The following COL5A1 variants were observed in gnomAD, a reference collection of about 807,000 sequenced individuals.
COL5A1 encodes collagen alpha-1(V) chain.
A neutral mutation model predicts 263.7 loss-of-function variants in COL5A1; 16 were observed. That is an observed-to-expected ratio of 0.06 (90% CI 0.04 to 0.09). The LOEUF (loss-of-function observed/expected upper bound fraction) is 0.09. COL5A1 is among the 10% of genes least tolerant of loss of function. COL5A1 has a pLI of 1.00. For missense variants in COL5A1, 2,036 were observed against 2,540.5 expected, an observed-to-expected ratio of 0.80 and a Z score of 4.27; for synonymous variants, 1,012 against 1,004.5, an observed-to-expected ratio of 1.01 and a Z score of -0.14.
At chr9:134,690,820 G>A in intron 1 of COL5A1, 92 bp from the exon 2 acceptor site, 2 of 1,459,514 alleles carry the variant, frequency 1.4e-6, no homozygotes, top group Admixed American at 1.7e-5. Flanking sequence ...AGTGGTGGGG[G>A]TGGGGGTGCT....
rs1353614751 is a variant in COL5A1, at chr9:134,652,641, T to C, written c.109+10345T>C. ...ACGGGACAGCCCCCACCAAAAAGAC[T>C]GACCCAGCCCGGAGGCTGCAGGAAT... On this transcript the variant is annotated intron_variant, in intron 1 of 65. Transcript: ENST00000371817. The surrounding 1 kb of genome is among the most constrained non-coding windows in gnomAD (Gnocchi z 4.4). 2.1e-6 allele frequency: 1 copy of C among 469,702 alleles called. No homozygotes were observed. The highest frequency in any genetic ancestry group is 2.0e-5 in the African/African-American group (1 of 50,068). The allele number at this position is 469,702 out of a possible 1,614,324, so 29.1% of individuals were successfully genotyped here.
At chr9:134,753,947 T>C (rs746957922) in intron 15 of COL5A1, 44 bp downstream of exon 15, 58 of 1,554,084 alleles carry the variant, frequency 3.7e-5, no homozygotes, top group Middle Eastern at 3.4e-4. Context: ...GCGCCTCCCG[T>C]TCTCCGGCGG....
chr9:134,797,636 C>T (rs1276429734), intron 36 of COL5A1, among the ~76,000 whole-genome samples: 5 of 152,164 alleles, frequency 3.3e-5, no homozygotes, highest in Non-Finnish European at 7.3e-5. Context: ...GCATGCGCCA[C>T]CACACCCAGC....
At chr9:134,762,684 G>T (rs1836501737) in intron 19 of COL5A1, among the ~76,000 whole-genome samples, 1 of 152,190 alleles carries the variant, frequency 6.6e-6, no homozygotes, top group South Asian at 2.1e-4. Flanking sequence ...TGTTTAGGGG[G>T]AAAGCTTTAA....
At chr9:134,812,159 A>G (rs973188531) in intron 46 of COL5A1, among the ~76,000 whole-genome samples, 7 of 152,218 alleles carry the variant, frequency 4.6e-5, no homozygotes, top group African/African-American at 2.4e-5. Context: ...TGGTGGTGAC[A>G]TAATTTACCC....
intron 30 of COL5A1, 102 bp downstream of exon 30, chr9:134,785,198 G>A (rs977795445): frequency 1.1e-6 from 1 of 873,030 alleles, no homozygotes; most frequent in Non-Finnish European, 1.9e-6. Context: ...TAGGCATGGG[G>A]TGGGGGTGAT....
intron 4 of COL5A1, among the ~76,000 whole-genome samples, chr9:134,705,988 A>C (rs1002346955): frequency 1.3e-5 from 2 of 152,208 alleles, no homozygotes; most frequent in Non-Finnish European, 2.9e-5. Flanking sequence ...CTGCCATCAC[A>C]GCAGCCCCTC....
rs1026069215 is a variant in COL5A1 at position 134,696,586 on chromosome 9, G to C, written c.278-3323G>C. 6.6e-6 allele frequency among the ~76,000 whole-genome samples: 1 copy of C among 152,174 alleles called. No individual in the cohort carries two copies. The highest frequency in any genetic ancestry group is 2.4e-5 in the African/African-American group (1 of 41,428). ...TGTCCTTTGACTGTGTCACCCCAGC[G>C]CCTGGCACCAATCACTGTTTATTAG... is the stretch of plus-strand genomic sequence containing the variant. On this transcript the variant is annotated intron_variant, in intron 2 of 65. Coordinates refer to ENST00000371817, the MANE Select transcript of COL5A1 (RefSeq NM_000093.5). This position sits in a 1 kb window ranked among gnomAD's most constrained non-coding sequence, Gnocchi z 4.3.
chr9:134,810,432 A>T lies in COL5A1; in HGVS notation c.3528+124A>T, dbSNP rs988526855. On this transcript the variant is annotated intron_variant, in intron 44 of 65. Transcript: ENST00000371817. The stretch of plus-strand genomic sequence containing the variant: ...CTGATGACTAGCGGGACATGCTGTG[A>T]AAATCTCCCGTGCATGTGTGTTCCC... The T allele has an allele frequency of 4.3e-6, 4 of 925,886 alleles. No individual in the cohort carries two copies. In the Admixed American group the frequency reaches 8.7e-5, roughly 20 times the overall value. 57.4% of individuals were successfully genotyped at this position (925,886 alleles called of 1,614,324 possible). A position where few individuals can be genotyped will look rare whatever the true frequency, so the allele number is the denominator to read the frequency against.
intron 1 of COL5A1, among the ~76,000 whole-genome samples, chr9:134,654,938 TG>T (rs1831894937): frequency 3.4e-5 from 2 of 58,298 alleles, no homozygotes; most frequent in Admixed American, 2.2e-4. Context: ...TGTGTAGGGC[TG>T]GGGGTGTGTA....
Position 134,642,674 on chromosome 9 carries a change from C to T in COL5A1, c.109+378C>T, listed in dbSNP as rs1476109737. Among the ~76,000 whole-genome samples the T allele has an allele frequency of 6.6e-6, 1 of 152,228 alleles. No individual in the cohort carries two copies. Among genetic ancestry groups the T allele is most frequent in the East Asian group, 1.9e-4 (1 of 5,184 alleles). On this transcript the variant is annotated intron_variant, in intron 1 of 65. Coordinates refer to ENST00000371817, the MANE Select transcript of COL5A1 (RefSeq NM_000093.5). This position sits in a 1 kb window ranked among gnomAD's most constrained non-coding sequence, Gnocchi z 4.5. ...CCCTCACAGCCCTACAGCAGAACTT[C>T]CTCTGCTCCAAACCGGGCAGGGCCG...
chr9:134,648,954 G>C (rs1019112114), intron 1 of COL5A1, among the ~76,000 whole-genome samples: 1 of 152,160 alleles, frequency 6.6e-6, no homozygotes, highest in Non-Finnish European at 1.5e-5. Context: ...TACAAGGAAC[G>C]GAGGTCCAGG....
Position 134,700,594 on chromosome 9 carries a change from G to A in COL5A1, c.491+472G>A, listed in dbSNP as rs1163100638. Reference sequence around the variant, plus strand: ...CAGTCTCCTCTTTCGTGGTCAGCACGTGTGAGGTCATGCCCTGATAATCTC... The same window carrying A: ...CAGTCTCCTCTTTCGTGGTCAGCACATGTGAGGTCATGCCCTGATAATCTC... On this transcript the variant is annotated intron_variant, in intron 3 of 65. Transcript: ENST00000371817. The surrounding 1 kb of genome is among the most constrained non-coding windows in gnomAD (Gnocchi z 4.0). Among the ~76,000 whole-genome samples, 4 of 152,188 alleles carry A rather than the reference G, an allele frequency of 2.6e-5. No individual in the cohort carries two copies. The highest frequency in any genetic ancestry group is 4.8e-5 in the African/African-American group (2 of 41,450).
At chr9:134,750,657 G>A (rs770253559) in intron 12 of COL5A1, 41 bp downstream of exon 12, 1 of 1,606,364 alleles carries the variant, frequency 6.2e-7, no homozygotes, top group Non-Finnish European at 8.5e-7. Flanking sequence ...GGCAGCTGGG[G>A]CAGGTGGGAT....
At chr9:134,783,407 G>A (rs1837333129) in intron 29 of COL5A1, among the ~76,000 whole-genome samples, 1 of 152,218 alleles carries the variant, frequency 6.6e-6, no homozygotes, top group South Asian at 2.1e-4. Flanking sequence ...TAATTAAAGA[G>A]AAGGTGACGC....
intron 26 of COL5A1, 67 bp downstream of exon 26, chr9:134,772,901 C>T: frequency 6.7e-7 from 1 of 1,489,406 alleles, no homozygotes; most frequent in East Asian, 2.3e-5. Context: ...GCTCTGGGCT[C>T]AGCCTCTGCT....
rs1477763613 is a variant in COL5A1 at position 134,679,361 on chromosome 9, T to TGGGGGCACTGCGGGGCTGGTTA, written c.110-11540_110-11519dup. Among the ~76,000 whole-genome samples the TGGGGGCACTGCGGGGCTGGTTA allele has an allele frequency of 1.3e-3, 92 of 69,194 alleles. 1 individual carries two copies. Among genetic ancestry groups the TGGGGGCACTGCGGGGCTGGTTA allele is most frequent in the African/African-American group, 5.0e-3 (79 of 15,754 alleles). The allele number at this position is 69,194 out of a possible 152,430, so 45.4% of individuals were successfully genotyped here. ...TATTAGGGGGCACTGCAGAGCTAGT[T>TGGGGGCACTGCGGGGCTGGTTA]GGGGGCACTGCGGGGCTGGTTAGGG... On this transcript the variant is annotated intron_variant, in intron 1 of 65. Transcript: ENST00000371817.
rs550741162 is a variant in COL5A1 at position 134,821,284 on chromosome 9, C to A, written c.4555-813C>A. Among the ~76,000 whole-genome samples, 2 of 152,078 alleles carry A rather than the reference C, an allele frequency of 1.3e-5. No homozygotes were observed. The highest frequency in any genetic ancestry group is 1.3e-4 in the Admixed American group (2 of 15,272). On this transcript the variant is annotated intron_variant, in intron 58 of 65. Transcript: ENST00000371817. The surrounding 1 kb of genome is among the most constrained non-coding windows in gnomAD (Gnocchi z 4.2). ...CCCTCACCCCAAACCATGGTCTTGG[C>A]GGCATTGCTGATGAAGGTGTCGGGT... is the stretch of plus-strand genomic sequence containing the variant.
chr9:134,797,770 C>A (rs1837964769), intron 36 of COL5A1, among the ~76,000 whole-genome samples: 1 of 152,138 alleles, frequency 6.6e-6, no homozygotes, highest in African/African-American at 2.4e-5. Context: ...GCCACCGTGC[C>A]CGGAGCCCCC....
Sources: allele counts gnomAD v4.1 joint callset (sites outside exome capture counted in the v4.1 genomes callset), GRCh38; gene constraint gnomAD v4.1.1; non-coding constraint Gnocchi (gnomAD v3.1); transcripts MANE v1.5; gene names NCBI Gene and HGNC (gene_info 2026-07-23, HGNC 2026-07-21).